Variants in GALNT9 observed in about 807,000 individuals in gnomAD.
The protein encoded by GALNT9 is polypeptide N-acetylgalactosaminyltransferase 9.
A neutral mutation model predicts 63.1 loss-of-function variants in GALNT9; 47 were observed. The ratio of observed to expected loss-of-function variants is 0.75; its 90% CI spans 0.59 to 0.95. The LOEUF (loss-of-function observed/expected upper bound fraction) is 0.95. Ranked by LOEUF, GALNT9 falls within the 40% of genes least tolerant of loss-of-function variation. The pLI is 0.00. For missense variants in GALNT9, 829 were observed against 874.8 expected (o/e 0.95, Z 0.66); for synonymous variants, 396 against 365.7 (o/e 1.08, Z -0.94).
Position 132,296,073 on chromosome 12 carries a change from A to G in GALNT9, c.239-9643T>C, listed in dbSNP as rs1040974769. 6.6e-6 allele frequency among the ~76,000 whole-genome samples: 1 copy of G among 150,436 alleles called. No individual in the cohort carries two copies. The highest frequency in any genetic ancestry group is 1.5e-5 in the Non-Finnish European group (1 of 67,772). On this transcript the variant is annotated intron_variant, in intron 1 of 10. Coordinates refer to ENST00000328957, the MANE Select transcript of GALNT9 (RefSeq NM_001122636.2). The surrounding 1 kb of genome is among the most constrained non-coding windows in gnomAD (Gnocchi z 4.2). Reference sequence around the variant, plus strand: ...GCCTCTGAACAGGGAGAGGCTCCGGAACAGGGAGAGCCTCCGAACAGGGAG... The same window carrying G: ...GCCTCTGAACAGGGAGAGGCTCCGGGACAGGGAGAGCCTCCGAACAGGGAG...
At chr12:132,226,826 C>T (rs991740538) in intron 6 of GALNT9, among the ~76,000 whole-genome samples, 1,659 of 149,786 alleles carry the variant, frequency 0.011, 31 homozygotes, top group African/African-American at 0.039. Flanking sequence ...CCCATAAACA[C>T]ACCCCACACA....
intron 1 of GALNT9, among the ~76,000 whole-genome samples, chr12:132,298,229 C>T (rs564384327): frequency 6.6e-6 from 1 of 152,174 alleles, no homozygotes; most frequent in Admixed American, 6.5e-5. Flanking sequence ...TAACCCATTC[C>T]CATGATGACC....
chr12:132,318,869 G>T (rs1868648016), intron 1 of GALNT9, among the ~76,000 whole-genome samples: 1 of 152,232 alleles, frequency 6.6e-6, no homozygotes, highest in Non-Finnish European at 1.5e-5. Flanking sequence ...CCCGCCCTCT[G>T]CCAGTGGCTG....
chr12:132,250,265 C>T lies in GALNT9; in HGVS notation c.960-2238G>A, dbSNP rs529374418. Reference sequence around the variant, plus strand: ...AGTCCACGGGGGCAGGAAGTGGATTCGTGGATGCAGGGGCTGGGGCGGGGG... The same window carrying T: ...AGTCCACGGGGGCAGGAAGTGGATTTGTGGATGCAGGGGCTGGGGCGGGGG... On this transcript the variant is annotated intron_variant, in intron 5 of 10. Coordinates refer to ENST00000328957, the MANE Select transcript of GALNT9 (RefSeq NM_001122636.2). 5.5e-3 allele frequency among the ~76,000 whole-genome samples: 797 copies of T among 145,226 alleles called. 5 individuals carry two copies. The highest frequency in any genetic ancestry group is 0.019 in the African/African-American group (755 of 40,544).
chr12:132,271,637 C>A (rs73168807), intron 2 of GALNT9, among the ~76,000 whole-genome samples: 1 of 152,140 alleles, frequency 6.6e-6, no homozygotes, highest in South Asian at 2.1e-4. Flanking sequence ...ACACAAACGG[C>A]GTTGGGGCAG....
rs1878958822 is a variant in GALNT9 at position 132,252,458 on chromosome 12, T to A, written c.960-4431A>T. On this transcript the variant is annotated intron_variant, in intron 5 of 10. Coordinates refer to ENST00000328957, the MANE Select transcript of GALNT9 (RefSeq NM_001122636.2). The surrounding 1 kb of genome is among the most constrained non-coding windows in gnomAD (Gnocchi z 5.2). ...ACAATGGAAAGAGTGAAATGTAGGG[T>A]CCAGCCCTACAGGGCTTAGCGGGTG... Among the ~76,000 whole-genome samples the A allele has an allele frequency of 6.6e-6, 1 of 152,138 alleles. No individual in the cohort carries two copies. The highest frequency in any genetic ancestry group is 2.1e-4 in the South Asian group (1 of 4,824).
chr12:132,207,669 A>G (rs2135511528), intron 6 of GALNT9, among the ~76,000 whole-genome samples: 1 of 152,286 alleles, frequency 6.6e-6, no homozygotes, highest in Admixed American at 6.5e-5. Context: ...TTCCATCATT[A>G]GCTGAGGACC....
chr12:132,258,852 C>T (rs1307325725), intron 4 of GALNT9, among the ~76,000 whole-genome samples: 6 of 152,212 alleles, frequency 3.9e-5, no homozygotes, highest in Non-Finnish European at 7.3e-5. Flanking sequence ...CCGCCGTCCA[C>T]GCTGGAGACC....
chr12:132,222,559 C>G (rs1877490402), intron 6 of GALNT9, among the ~76,000 whole-genome samples: 1 of 152,040 alleles, frequency 6.6e-6, no homozygotes, highest in Non-Finnish European at 1.5e-5. Context: ...CATGAACAAG[C>G]ACACAAGGGG....
chr12:132,310,766 G>A lies in GALNT9; in HGVS notation c.238+18200C>T, dbSNP rs560416163. ...GGAGGAAGGGGCAGAGGGAGCGCGC[G>A]CTGGGAAGGTGGGAGCCACGCTGTC... On this transcript the variant is annotated intron_variant, in intron 1 of 10. Coordinates refer to ENST00000328957, the MANE Select transcript of GALNT9 (RefSeq NM_001122636.2). The surrounding 1 kb of genome is among the most constrained non-coding windows in gnomAD (Gnocchi z 4.8). Among the ~76,000 whole-genome samples the A allele has an allele frequency of 2.0e-4, 31 of 152,152 alleles. 1 individual carries two copies. The highest frequency in any genetic ancestry group is 5.2e-4 in the Admixed American group (8 of 15,268).
At chr12:132,220,024 C>T (rs754056548) in intron 6 of GALNT9, among the ~76,000 whole-genome samples, 8 of 152,234 alleles carry the variant, frequency 5.3e-5, no homozygotes, top group African/African-American at 1.2e-4. Flanking sequence ...CAGGAGGAGA[C>T]GCTCTGAAAC....
In GALNT9 at chr12:132,286,293, G is replaced by A. The variant is rs972598871; in HGVS notation, c.376C>T (p.Arg126Cys). 110 of 1,551,068 alleles carry A rather than the reference G, an allele frequency of 7.1e-5. No homozygotes were observed. The highest frequency in any genetic ancestry group is 9.1e-5 in the Non-Finnish European group (104 of 1,146,874). The stretch of plus-strand genomic sequence containing the variant: ...GGGATGCTCCGATCGAGGGAGATGC[G>A]GTCGCTGAGCTGAGCGTTGTAGCCG... ...EYGYNAQLSDRISLDRSIPDY... is the reference protein window; with the variant it reads ...EYGYNAQLSDCISLDRSIPDY... Residue 126 changes from arginine to cysteine, a missense_variant, in exon 2 of 11, where the codon CGC becomes TGC. By Grantham distance (180) the Arg-to-Cys change is radical (BLOSUM62 -3). Coordinates refer to ENST00000328957, the MANE Select transcript of GALNT9 (RefSeq NM_001122636.2). This position sits in a 1 kb window ranked among gnomAD's most constrained non-coding sequence, Gnocchi z 7.4.
In GALNT9 at chr12:132,196,876, C is replaced by T; in HGVS notation, c.*231G>A. ...ACGTGTTTGAGTTGGCATCACTGTC[C>T]CCAGACGCCCTCCCTCGGGTAGAGC... is the stretch of plus-strand genomic sequence containing the variant. On this transcript the variant is annotated 3_prime_UTR_variant, in exon 11 of 11. Transcript: ENST00000328957. The T allele has an allele frequency of 7.3e-7, 1 of 1,368,844 alleles. No homozygotes were observed. Among genetic ancestry groups the T allele is most frequent in the Non-Finnish European group, 9.4e-7 (1 of 1,060,604 alleles). The allele number at this position is 1,368,844 out of a possible 1,614,324, so 84.8% of individuals were successfully genotyped here.
At chr12:132,299,151 C>T (rs1178895601) in intron 1 of GALNT9, among the ~76,000 whole-genome samples, 1 of 99,004 alleles carries the variant, frequency 1.0e-5, no homozygotes, top group Admixed American at 9.3e-5. Flanking sequence ...ACCTAACCCA[C>T]CCCCAACACA....
intron 1 of GALNT9, 58 bp downstream of exon 1, chr12:132,328,908 G>A (rs891255524): frequency 1.3e-5 from 19 of 1,435,128 alleles, no homozygotes; most frequent in African/African-American, 2.9e-5. Flanking sequence ...CATCGCGCCC[G>A]GGGTGGCCAC....
chr12:132,306,914 G>C (rs1881638330), intron 1 of GALNT9, among the ~76,000 whole-genome samples: 2 of 152,284 alleles, frequency 1.3e-5, no homozygotes, highest in South Asian at 2.1e-4. Flanking sequence ...CTAATTACGG[G>C]AGATAATCTG....
chr12:132,312,250 C>T (rs1189879910), intron 1 of GALNT9, among the ~76,000 whole-genome samples: 2 of 152,194 alleles, frequency 1.3e-5, no homozygotes, highest in Admixed American at 6.5e-5. Context: ...TACTTGTGTT[C>T]AACGAATATG....
In GALNT9 at chr12:132,261,127, G is replaced by A; in HGVS notation, c.587-5C>T. On this transcript the variant is annotated splice_region_variant and splice_polypyrimidine_tract_variant and intron_variant, in intron 3 of 10. Coordinates refer to ENST00000328957, the MANE Select transcript of GALNT9 (RefSeq NM_001122636.2). The stretch of plus-strand genomic sequence containing the variant: ...CCAGATTGAACTTGAGTTCCACTGA[G>A]GAGAGACAAGACTTTAGCACGCTGG... The A allele has an allele frequency of 6.4e-7, 1 of 1,550,664 alleles. No individual in the cohort carries two copies. The highest frequency in any genetic ancestry group is 8.7e-7 in the Non-Finnish European group (1 of 1,146,762).
At chr12:132,244,933 C>G (rs1555237882) in intron 6 of GALNT9, among the ~76,000 whole-genome samples, 1 of 150,312 alleles carries the variant, frequency 6.7e-6, no homozygotes, top group Non-Finnish European at 1.5e-5. Flanking sequence ...GACCGCCAGA[C>G]AGGACACCAA....
Sources: allele counts gnomAD v4.1 joint callset (sites outside exome capture counted in the v4.1 genomes callset), GRCh38; gene constraint gnomAD v4.1.1; non-coding constraint Gnocchi (gnomAD v3.1); transcripts MANE v1.5; gene names NCBI Gene and HGNC (gene_info 2026-07-23, HGNC 2026-07-21).